The following SYNE2 variants were observed in gnomAD, a reference collection of about 807,000 sequenced individuals.
SYNE2 encodes the protein nesprin-2.
SYNE2 carries 431 observed loss-of-function variants against 856.3 expected under a neutral mutation model. The ratio of observed to expected loss-of-function variants is 0.50; its 90% CI spans 0.47 to 0.55. The LOEUF is 0.55. Among genes scored for constraint, SYNE2 ranks in the 20% least tolerant of loss-of-function variants. The pLI, the probability that SYNE2 is intolerant of heterozygous loss-of-function variation, is 0.00. For synonymous variants in SYNE2, 2,923 were observed against 2,872.3 expected (o/e 1.02, Z -0.56); for missense variants, 8,129 against 8,023.2 (o/e 1.01, Z -0.50).
rs1385170375 is a variant in SYNE2 at position 63,981,011 on chromosome 14, A to G, written c.1674A>G (p.Lys558=). The change falls in exon 16 of 116, where the codon AAA becomes AAG. Residue 558 remains lysine, a synonymous_variant. Transcript: ENST00000555002. ...NLAGECQNIN[K]QYMMVKSDVC... ...CTGGAGAATGTCAGAATATTAATAA[A>G]CAGTATATGATGGTGAAATCTGATG... 1.3e-6 allele frequency: 2 copies of G among 1,565,254 alleles called. No homozygotes were observed. Among genetic ancestry groups the G allele is most frequent in the African/African-American group, 2.7e-5 (2 of 73,808 alleles).
intron 8 of SYNE2, chr14:63,956,565 G>A (rs1369645638): frequency 2.4e-6 from 1 of 409,554 alleles, no homozygotes; most frequent in Non-Finnish European, 4.8e-6. Flanking sequence ...TTTATTAAGA[G>A]ATAATTCACA....
intron 2 of SYNE2, among the ~76,000 whole-genome samples, chr14:63,923,685 A>G (rs1318150542): frequency 6.6e-6 from 1 of 152,220 alleles, no homozygotes; most frequent in African/African-American, 2.4e-5. Context: ...ATTAAGCTTT[A>G]TTAAGATATA....
intron 1 of SYNE2, among the ~76,000 whole-genome samples, chr14:63,835,286 T>C (rs889631192): frequency 6.6e-6 from 1 of 152,154 alleles, no homozygotes; most frequent in African/African-American, 2.4e-5. Flanking sequence ...CAGGCTGGAG[T>C]ACAGTGGTCC....
chr14:63,808,680 T>C (rs1180392419), intron 1 of SYNE2: 1 of 152,420 alleles, frequency 6.6e-6, no homozygotes, highest in Non-Finnish European at 1.5e-5. Context: ...TTATCCACAA[T>C]GTCAAAGGCC....
chr14:64,189,091 T>G (rs2098505543), intron 98 of SYNE2: 9 of 658,738 alleles, frequency 1.4e-5, no homozygotes, highest in Non-Finnish European at 2.5e-5. Flanking sequence ...CCTAGCACTT[T>G]GGGAGGCCAA....
chr14:63,979,149 A>G, intron 14 of SYNE2, 135 bp downstream of exon 14: 1 of 841,816 alleles, frequency 1.2e-6, no homozygotes, highest in Non-Finnish European at 1.9e-6. Context: ...ATTAGCTTAA[A>G]TATTGCATGG....
At chr14:63,926,988 G>GA (rs2095675001) in intron 2 of SYNE2, among the ~76,000 whole-genome samples, 2 of 152,200 alleles carry the variant, frequency 1.3e-5, no homozygotes, top group African/African-American at 4.8e-5. Context: ...TGTGGCAGGT[G>GA]GGAACATAGC....
Position 64,194,850 on chromosome 14 carries a change from T to C in SYNE2, c.18038+4613T>C, listed in dbSNP as rs575786549. ...CGGTCCTTGGATCTCATCCCCTCAA[T>C]AGGACTGATGCCAGAGAAGGAGTTG... On this transcript the variant is annotated intron_variant, in intron 99 of 115. Transcript: ENST00000555002. Among the ~76,000 whole-genome samples, 270 of 152,284 alleles carry C rather than the reference T, an allele frequency of 1.8e-3. 2 individuals are homozygous for C. The highest frequency in any genetic ancestry group is 4.6e-4 in the Non-Finnish European group (31 of 68,018).
chr14:64,187,329 TAATA>T (rs1241438244), intron 97 of SYNE2, among the ~76,000 whole-genome samples: 3 of 152,236 alleles, frequency 2.0e-5, no homozygotes, highest in African/African-American at 7.2e-5. Flanking sequence ...TTTTAGTATT[TAATA>T]TTCACAATGT....
chr14:63,906,922 C>G (rs905492693), intron 1 of SYNE2, among the ~76,000 whole-genome samples: 6 of 152,174 alleles, frequency 3.9e-5, no homozygotes, highest in Non-Finnish European at 7.3e-5. Flanking sequence ...TCAGTCTATC[C>G]TCACATGGTA....
chr14:64,111,932 G>A (rs2097812096), intron 65 of SYNE2, among the ~76,000 whole-genome samples: 1 of 152,152 alleles, frequency 6.6e-6, no homozygotes, highest in Admixed American at 6.5e-5. Flanking sequence ...CAAGATTCTT[G>A]AAGAAAATTA....
At chr14:64,126,949 G>A (rs2097952153) in intron 73 of SYNE2, 142 bp downstream of exon 73, 21 of 1,035,110 alleles carry the variant, frequency 2.0e-5, no homozygotes, top group Non-Finnish European at 2.9e-5. Context: ...GTTGCTCATG[G>A]TTGGAGATCA....
chr14:63,891,253 C>T (rs185188217), intron 1 of SYNE2, among the ~76,000 whole-genome samples: 7 of 152,072 alleles, frequency 4.6e-5, no homozygotes, highest in South Asian at 2.1e-4. Flanking sequence ...TAATTACTTA[C>T]GTAGGCATGA....
intron 90 of SYNE2, among the ~76,000 whole-genome samples, chr14:64,165,789 C>T (rs2098373985): frequency 6.6e-6 from 1 of 152,218 alleles, no homozygotes; most frequent in South Asian, 2.1e-4. Context: ...GCTGGGATTA[C>T]AGGCCTGAGC....
intron 1 of SYNE2, among the ~76,000 whole-genome samples, chr14:63,782,785 C>T (rs1354552008): frequency 6.6e-6 from 1 of 151,588 alleles, no homozygotes; most frequent in Non-Finnish European, 1.5e-5. Flanking sequence ...AGAATATTCA[C>T]ATAGTATAAA....
intron 32 of SYNE2, among the ~76,000 whole-genome samples, 197 bp downstream of exon 32, chr14:64,010,313 G>A (rs1271602698): frequency 1.3e-5 from 2 of 152,164 alleles, no homozygotes; most frequent in African/African-American, 2.4e-5. Context: ...CAAGTTGATG[G>A]TGGGTCACTT....
intron 2 of SYNE2, among the ~76,000 whole-genome samples, chr14:63,931,177 G>GA (rs1156248444): frequency 6.6e-6 from 1 of 152,168 alleles, no homozygotes; most frequent in Non-Finnish European, 1.5e-5. Flanking sequence ...TTGTAATACA[G>GA]AAAAAGAGTG....
Position 63,983,881 on chromosome 14 carries a change from A to G in SYNE2, c.2146A>G (p.Ile716Val). The G allele has an allele frequency of 6.6e-7, 1 of 1,522,924 alleles. No homozygotes were observed. Among genetic ancestry groups the G allele is most frequent in the Non-Finnish European group, 9.0e-7 (1 of 1,105,038 alleles). 94.3% of individuals were successfully genotyped at this position (1,522,924 alleles called of 1,614,324 possible). Reference protein sequence around the residue: ...VELPENYNQNIKAGEKHEKEN... With the variant: ...VELPENYNQNVKAGEKHEKEN... ...ACTTCCTGAAAATTATAATCAAAAT[A>G]TAAAGGTAAAATAATCATACTTTGT... Residue 716 changes from isoleucine (I) to valine (V), a missense_variant, in exon 18 of 116, where the codon ATA (isoleucine) becomes GTA (valine). By Grantham distance (29) the Ile-to-Val change is conservative. Around this residue, in one of 3 missense-constraint regions of SYNE2, gnomAD observed 2,422 missense variants for 2,357.4 expected, o/e 1.03. Coordinates refer to ENST00000555002, the MANE Select transcript of SYNE2 (RefSeq NM_182914.3).
intron 2 of SYNE2, among the ~76,000 whole-genome samples, chr14:63,937,764 G>T (rs376965174): frequency 6.6e-6 from 1 of 152,202 alleles, no homozygotes; most frequent in Non-Finnish European, 1.5e-5. Flanking sequence ...GTAGGATGAA[G>T]TGCACAGAGT....
Sources: gnomAD v4.1 joint callset for allele counts (sites outside exome capture counted in the v4.1 genomes callset) on GRCh38, gnomAD v4.1.1 for gene constraint, gnomAD v4.1.1 regional missense constraint, MANE v1.5 for transcripts, NCBI Gene and HGNC (gene_info 2026-07-23, HGNC 2026-07-21) for gene names.